The following DPP6 variants were observed in gnomAD, a reference collection of about 807,000 sequenced individuals.
The protein encoded by DPP6 is dipeptidyl peptidase like 6, also known as A-type potassium channel modulatory protein DPP6.
DPP6 carries 69 observed loss-of-function variants against 122.6 expected under a neutral mutation model. The ratio of observed to expected loss-of-function variants is 0.56; its 90% CI spans 0.46 to 0.69. The LOEUF (loss-of-function observed/expected upper bound fraction) is 0.69. Among genes scored for constraint, DPP6 ranks in the 30% least tolerant of loss-of-function variants. DPP6 has a pLI of 0.00. For synonymous variants in DPP6, 418 were observed against 433.1 expected (o/e 0.97, Z 0.43); for missense variants, 928 against 1,116.9 (o/e 0.83, Z 2.41).
At chr7:153,999,811 T>C (rs1797603287) in intron 1 of DPP6, among the ~76,000 whole-genome samples, 1 of 152,068 alleles carries the variant, frequency 6.6e-6, no homozygotes, top group African/African-American at 2.4e-5. Context: ...ATATAAAAAT[T>C]AGCTGGGCAT....
chr7:154,045,464 G>A (rs879804419), intron 1 of DPP6, among the ~76,000 whole-genome samples: 9 of 152,338 alleles, frequency 5.9e-5, no homozygotes, highest in South Asian at 4.1e-4. Context: ...CAGCTTGCCC[G>A]GCCCCAGCCC....
chr7:154,305,573 C>T, intron 1 of DPP6: 1 of 1,541,868 alleles, frequency 6.5e-7, no homozygotes. Flanking sequence ...TTTGGGGGTC[C>T]GTGTGTGTGT....
the DPP6 span, among the ~76,000 whole-genome samples, chr7:153,773,531 G>A: frequency 1.6e-4 from 24 of 151,282 alleles, no homozygotes; most frequent in Admixed American, 1.5e-3. Context: ...AATTGCTAGG[G>A]ATTTAAATTA....
chr7:154,151,817 C>T (rs1001821640), intron 1 of DPP6, among the ~76,000 whole-genome samples: 4 of 152,022 alleles, frequency 2.6e-5, no homozygotes, highest in African/African-American at 9.7e-5. Context: ...CCGCCTCAGC[C>T]TCTGCTTCTG....
chr7:154,509,826 A>G (rs1305389263), intron 3 of DPP6, among the ~76,000 whole-genome samples: 4 of 152,216 alleles, frequency 2.6e-5, no homozygotes, highest in African/African-American at 9.6e-5. Flanking sequence ...ACTGTAAGAC[A>G]GTCACAAATG....
intron 1 of DPP6, among the ~76,000 whole-genome samples, chr7:154,334,165 C>T (rs537142737): frequency 6.9e-6 from 1 of 145,806 alleles, no homozygotes; most frequent in Non-Finnish European, 1.5e-5. Context: ...TTTTGTTATT[C>T]GTTTAAAAAC....
the DPP6 span, among the ~76,000 whole-genome samples, chr7:153,776,218 A>G: frequency 1.3e-5 from 2 of 152,278 alleles, no homozygotes; most frequent in Admixed American, 1.3e-4. Context: ...GGGTAGTGAT[A>G]TGGTTTGGCT....
At chr7:154,609,531 A>G (rs199784013) in intron 5 of DPP6, among the ~76,000 whole-genome samples, 9 of 152,186 alleles carry the variant, frequency 5.9e-5, no homozygotes, top group Non-Finnish European at 1.3e-4. Flanking sequence ...CAAGCATTTC[A>G]ATACCTCTTC....
intron 7 of DPP6, among the ~76,000 whole-genome samples, chr7:154,726,422 G>C (rs944807997): frequency 3.3e-5 from 5 of 152,220 alleles, no homozygotes; most frequent in Non-Finnish European, 1.5e-5. Flanking sequence ...ATACCAAGTG[G>C]AAGCCACCAA....
At chr7:154,639,431 T>C (rs1835925119) in intron 6 of DPP6, among the ~76,000 whole-genome samples, 1 of 152,230 alleles carries the variant, frequency 6.6e-6, no homozygotes, top group African/African-American at 2.4e-5. Context: ...GGCAGGACTA[T>C]AATTATGCCT....
chr7:154,757,127 G>A (rs1843724400), intron 8 of DPP6, among the ~76,000 whole-genome samples: 2 of 151,496 alleles, frequency 1.3e-5, no homozygotes, highest in South Asian at 2.1e-4. Flanking sequence ...TGAGGAACAG[G>A]CCAGCCCCTT....
intron 3 of DPP6, among the ~76,000 whole-genome samples, chr7:154,526,177 A>G (rs1827392031): frequency 6.6e-6 from 1 of 152,158 alleles, no homozygotes; most frequent in South Asian, 2.1e-4. Flanking sequence ...ATTTGTTTTT[A>G]ACTATTTAAA....
At chr7:154,614,280 T>G (rs926151342) in intron 5 of DPP6, among the ~76,000 whole-genome samples, 4 of 152,350 alleles carry the variant, frequency 2.6e-5, no homozygotes, top group South Asian at 2.1e-4. Context: ...TTCCTATTTT[T>G]GGGATTGGTT....
At chr7:154,469,686 G>T (rs12538250) in intron 2 of DPP6, among the ~76,000 whole-genome samples, 6,161 of 152,226 alleles carry the variant, frequency 0.04, 229 homozygotes, top group East Asian at 0.18. Flanking sequence ...AGAATCTACC[G>T]AGGAAATAGG....
At chr7:153,930,646 C>T (rs562563070) in intron 1 of DPP6, among the ~76,000 whole-genome samples, 14 of 152,108 alleles carry the variant, frequency 9.2e-5, no homozygotes, top group South Asian at 6.2e-4. Flanking sequence ...GTGTTCTTAC[C>T]GAAAGACTTT....
intron 8 of DPP6, among the ~76,000 whole-genome samples, chr7:154,744,382 C>G (rs994819554): frequency 6.6e-6 from 1 of 152,204 alleles, no homozygotes; most frequent in Admixed American, 6.5e-5. Flanking sequence ...TCATCTCTTC[C>G]CCACTAAAGG....
intron 1 of DPP6, among the ~76,000 whole-genome samples, chr7:154,125,705 C>A (rs1807830056): frequency 6.6e-6 from 1 of 152,178 alleles, no homozygotes; most frequent in Non-Finnish European, 1.5e-5. Context: ...TTACGGATGA[C>A]CCCTGTGGCT....
chr7:153,843,103 CACGAGTGCATACACAT>C, the DPP6 span, among the ~76,000 whole-genome samples: 10 of 151,814 alleles, frequency 6.6e-5, no homozygotes, highest in Non-Finnish European at 1.5e-4. Flanking sequence ...TGCATACACA[CACGAGTGCATACACAT>C]GCGCATACAC....
At chr7:154,823,507 G>C (rs1456897068) in intron 16 of DPP6, among the ~76,000 whole-genome samples, 1 of 152,198 alleles carries the variant, frequency 6.6e-6, no homozygotes, top group Admixed American at 6.5e-5. Context: ...TATTACTTCA[G>C]AGGGAAGTAC....
Sources: allele counts gnomAD v4.1 joint callset (sites outside exome capture counted in the v4.1 genomes callset), GRCh38; gene constraint gnomAD v4.1.1; transcripts MANE v1.5; gene names NCBI Gene and HGNC (gene_info 2026-07-23, HGNC 2026-07-21).